PRELID2: variants seen among roughly 807,000 people sequenced by gnomAD.
PRELID2 encodes the protein PRELI domain-containing protein 2.
Under a neutral mutation model 28.4 loss-of-function variants are expected in PRELID2, and 25 were observed. That is an observed-to-expected ratio of 0.88 (90% confidence interval 0.64 to 1.23). The LOEUF (loss-of-function observed/expected upper bound fraction) is 1.23. PRELID2 is among the 50% of genes most tolerant of loss of function. The pLI, the probability that PRELID2 is intolerant of heterozygous loss-of-function variation, is 0.00. For missense variants in PRELID2, 201 were observed against 214.4 expected, an observed-to-expected ratio of 0.94 and a Z score of 0.39; for synonymous variants, 76 against 71.6, an observed-to-expected ratio of 1.06 and a Z score of -0.31.
At chr5:145,256,444 A>C in the PRELID2 span, among the ~76,000 whole-genome samples, 1 of 151,998 alleles carries the variant, frequency 6.6e-6, no homozygotes, top group African/African-American at 2.4e-5. Context: ...GGGTTCACCC[A>C]GTTGATCCAG....
At chr5:145,514,092 G>T (rs540000522) in intron 1 of PRELID2, among the ~76,000 whole-genome samples, 1 of 152,092 alleles carries the variant, frequency 6.6e-6, no homozygotes, top group East Asian at 1.9e-4. Context: ...ATGAACTAAC[G>T]GGCAAAATTA....
rs1317923413 is a variant in PRELID2, at chr5:145,759,542, T to TA, written c.*993dup. ...ACTAGGCAGTGTGCTAGGTACTTCA[T>TA]AGGCATGATCTCAAATCAGTCCAAC... On this transcript the variant is annotated 3_prime_UTR_variant, in exon 7 of 7. Transcript: ENST00000683046. 5 of 152,210 alleles carry TA rather than the reference T, an allele frequency of 3.3e-5. No individual in the cohort carries two copies. Among genetic ancestry groups the TA allele is most frequent in the African/African-American group, 9.6e-5 (4 of 41,466 alleles). The allele number at this position is 152,210 out of a possible 1,614,324, so 9.4% of individuals were successfully genotyped here. A position where few individuals can be genotyped will look rare whatever the true frequency, so the allele number is the denominator to read the frequency against.
intron 1 of PRELID2, among the ~76,000 whole-genome samples, chr5:145,599,461 T>A (rs953421): frequency 0.19 from 29,344 of 152,096 alleles, 5,008 homozygotes; most frequent in African/African-American, 0.45. Flanking sequence ...TAAGGCTTTT[T>A]GTATCCATGA....
intron 1 of PRELID2, among the ~76,000 whole-genome samples, chr5:145,674,979 G>A (rs1036787586): frequency 4.0e-5 from 6 of 151,278 alleles, no homozygotes; most frequent in African/African-American, 1.2e-4. Flanking sequence ...CACTATATCA[G>A]TACTATTAAA....
At chr5:145,433,760 A>G in the PRELID2 span, among the ~76,000 whole-genome samples, 1 of 151,818 alleles carries the variant, frequency 6.6e-6, no homozygotes, top group African/African-American at 2.4e-5. Context: ...AAGCTTTTGG[A>G]CTCTGACAAC....
At chr5:145,693,395 G>A (rs1471399078) in intron 1 of PRELID2, among the ~76,000 whole-genome samples, 3 of 151,776 alleles carry the variant, frequency 2.0e-5, no homozygotes, top group African/African-American at 7.3e-5. Context: ...CAATCCACCT[G>A]CCTCGGCCTC....
chr5:145,275,893 TATCCTA>T, the PRELID2 span, among the ~76,000 whole-genome samples: 5 of 152,146 alleles, frequency 3.3e-5, no homozygotes, highest in Non-Finnish European at 5.9e-5. Flanking sequence ...ACTCTGCATT[TATCCTA>T]ATCACAGTAT....
rs1284384558 is a variant in PRELID2 at position 145,756,662 on chromosome 5, T to C, written c.*3874A>G. Among the ~76,000 whole-genome samples the C allele has an allele frequency of 6.6e-6, 1 of 151,918 alleles. No homozygotes were observed. Among genetic ancestry groups the C allele is most frequent in the Non-Finnish European group, 1.5e-5 (1 of 67,972 alleles). On this transcript the variant is annotated 3_prime_UTR_variant, in exon 7 of 7. Coordinates refer to ENST00000683046, the MANE Select transcript of PRELID2 (RefSeq NM_205846.3). ...AAAGAAGTAAGTTAGGGGAAGAGAG[T>C]TGAGCCACTGAAATAATGTCACCAA...
intron 1 of PRELID2, among the ~76,000 whole-genome samples, chr5:145,624,637 G>C (rs142398853): frequency 6.6e-6 from 1 of 152,194 alleles, no homozygotes; most frequent in East Asian, 1.9e-4. Flanking sequence ...AAACTGTAAA[G>C]CTTTTATAAG....
chr5:145,790,981 A>C (rs942152767), intron 5 of PRELID2, among the ~76,000 whole-genome samples: 2 of 151,590 alleles, frequency 1.3e-5, no homozygotes, highest in African/African-American at 4.8e-5. Flanking sequence ...TATTATTCAC[A>C]ATAGCCAAAA....
chr5:145,234,788 C>T, the PRELID2 span, among the ~76,000 whole-genome samples: 11 of 152,228 alleles, frequency 7.2e-5, no homozygotes, highest in South Asian at 4.1e-4. Context: ...ACAAACTACA[C>T]ATAGAAGCGC....
the PRELID2 span, among the ~76,000 whole-genome samples, chr5:145,397,569 T>C: frequency 6.6e-6 from 1 of 152,212 alleles, no homozygotes; most frequent in Non-Finnish European, 1.5e-5. Flanking sequence ...TTGACAATGC[T>C]TCTGCAAACT....
chr5:145,728,575 T>A (rs1756243782), intron 1 of PRELID2: 2 of 860,976 alleles, frequency 2.3e-6, no homozygotes, highest in South Asian at 2.7e-5. Context: ...GAATTGTTGA[T>A]CATGGCAATT....
At chr5:145,648,988 C>A (rs2149669345) in intron 1 of PRELID2, among the ~76,000 whole-genome samples, 1 of 152,128 alleles carries the variant, frequency 6.6e-6, no homozygotes, top group East Asian at 1.9e-4. Flanking sequence ...CCTATCAAAG[C>A]ATTTTGTTTT....
chr5:145,486,224 T>C (rs1752216272), intron 1 of PRELID2, among the ~76,000 whole-genome samples: 2 of 152,176 alleles, frequency 1.3e-5, no homozygotes, highest in African/African-American at 4.8e-5. Flanking sequence ...CTCATTTCCA[T>C]AAATGTCTGT....
At chr5:145,340,951 A>G in the PRELID2 span, among the ~76,000 whole-genome samples, 2 of 151,670 alleles carry the variant, frequency 1.3e-5, no homozygotes, top group Non-Finnish European at 2.9e-5. Context: ...GCCTCCCCTA[A>G]TAACTGCACC....
At chr5:145,798,312 G>A (rs1404542521) in intron 4 of PRELID2, among the ~76,000 whole-genome samples, 1 of 152,142 alleles carries the variant, frequency 6.6e-6, no homozygotes, top group Non-Finnish European at 1.5e-5. Context: ...CAGAGTGAGT[G>A]CCTATTTGAA....
the PRELID2 span, among the ~76,000 whole-genome samples, chr5:145,341,985 G>C: frequency 6.6e-6 from 1 of 152,170 alleles, no homozygotes; most frequent in Non-Finnish European, 1.5e-5. Context: ...CAAAGATAAA[G>C]AGTGAATCCT....
chr5:145,799,823 T>C (rs79154626), intron 4 of PRELID2, among the ~76,000 whole-genome samples: 6,109 of 152,172 alleles, frequency 0.04, 386 homozygotes, highest in African/African-American at 0.14. Flanking sequence ...CACCAAGTAC[T>C]CGGTATAGAT....
Sources: gnomAD v4.1 joint callset for allele counts (sites outside exome capture counted in the v4.1 genomes callset) on GRCh38, gnomAD v4.1.1 for gene constraint, MANE v1.5 for transcripts, NCBI Gene and HGNC (gene_info 2026-07-23, HGNC 2026-07-21) for gene names.